The following TIMM50 variants were observed in gnomAD, a reference collection of about 807,000 sequenced individuals.
TIMM50 encodes translocase of inner mitochondrial membrane 50, also known as mitochondrial import inner membrane translocase subunit TIM50.
A neutral mutation model predicts 49.6 loss-of-function variants in TIMM50; 34 were observed. That is an observed-to-expected ratio of 0.69 (90% CI 0.52 to 0.91). The LOEUF (loss-of-function observed/expected upper bound fraction) is 0.91. Among genes scored for constraint, TIMM50 ranks in the 40% least tolerant of loss-of-function variants. The probability of loss-of-function intolerance (pLI) is 0.00; values close to 1 mark genes in which losing one functional copy is unlikely to be tolerated. For missense variants in TIMM50, 458 were observed against 477.8 expected, an observed-to-expected ratio of 0.96 and a Z score of 0.39; for synonymous variants, 199 against 198.4, an observed-to-expected ratio of 1.00 and a Z score of -0.03.
chr19:39,492,345 C>T lies in TIMM50; in HGVS notation c.*2525C>T, dbSNP rs2079551470. On this transcript the variant is annotated 3_prime_UTR_variant, in exon 11 of 11. Coordinates refer to ENST00000607714, the MANE Select transcript of TIMM50 (RefSeq NM_001001563.5). The stretch of plus-strand genomic sequence containing the variant: ...GGGGGGGAGAAGAAAGTTCTTGTCT[C>T]AGGCTAGCTTTGGGGACCAAATGAA... The T allele has an allele frequency of 6.7e-6, 1 of 150,102 alleles. No individual in the cohort carries two copies. The highest frequency in any genetic ancestry group is 2.5e-5 in the African/African-American group (1 of 40,610). 9.3% of individuals were successfully genotyped at this position (150,102 alleles called of 1,614,324 possible).
At position 39,488,092 on chromosome 19, in the gene TIMM50, GAGT is replaced by G; in HGVS notation, c.735_737del (p.Val247del). On this transcript the variant is annotated inframe_deletion, in exon 9 of 11. Coordinates refer to ENST00000607714, the MANE Select transcript of TIMM50 (RefSeq NM_001001563.5). ...TCATGTCTGAATCGGGACCCAGCTC[GAGT>G]AGTAGTTGTGGACTGCAAGAAGGAA... 1 of 1,612,254 alleles carries G rather than the reference GAGT, an allele frequency of 6.2e-7. No homozygotes were observed. Among genetic ancestry groups the G allele is most frequent in the Non-Finnish European group, 8.5e-7 (1 of 1,178,426 alleles).
At chr19:39,488,031 A>G in intron 8 of TIMM50, 30 bp from the exon 9 acceptor site, 1 of 1,593,012 alleles carries the variant, frequency 6.3e-7, no homozygotes, top group Non-Finnish European at 8.6e-7. Flanking sequence ...TTGGGCACAG[A>G]TGTTGACCTG....
At chr19:39,481,000 C>A in intron 1 of TIMM50, 39 bp downstream of exon 1, 1 of 1,542,438 alleles carries the variant, frequency 6.5e-7, no homozygotes, top group East Asian at 2.3e-5. Context: ...TGTGGGGTCC[C>A]TTCCCTGGAG....
At position 39,480,925 on chromosome 19, in the gene TIMM50, G is replaced by C; in HGVS notation, c.72G>C (p.Thr24=). 1 of 1,588,202 alleles carries C rather than the reference G, an allele frequency of 6.3e-7. No individual in the cohort carries two copies. The highest frequency in any genetic ancestry group is 8.5e-7 in the Non-Finnish European group (1 of 1,174,732). ...GGCTCGGCTCGCGGGGACTGTGCAC[G>C]AGGTTGGCGACGCCGCCCCGCCGGG... ...GLRLGSRGLC[T]RLATPPRRAP... Residue 24 remains threonine, a synonymous_variant, in exon 1 of 11, where the codon ACG becomes ACC. Transcript: ENST00000607714.
At position 39,491,348 on chromosome 19, in the gene TIMM50, TA is replaced by T. The variant is rs2079544006; in HGVS notation, c.*1529del. The T allele has an allele frequency of 6.6e-6, 1 of 151,562 alleles. No homozygotes were observed. The highest frequency in any genetic ancestry group is 2.4e-5 in the African/African-American group (1 of 41,266). The allele number at this position is 151,562 out of a possible 1,614,324, so 9.4% of individuals were successfully genotyped here. On this transcript the variant is annotated 3_prime_UTR_variant, in exon 11 of 11. Coordinates refer to ENST00000607714, the MANE Select transcript of TIMM50 (RefSeq NM_001001563.5). ...CGCCCGGCTAATTTTTGTATTTTTTTAGTAGAGACAGGGTTTCACCATGTTG... is the reference window on the plus strand; with the variant it reads ...CGCCCGGCTAATTTTTGTATTTTTTTGTAGAGACAGGGTTTCACCATGTTG...
chr19:39,486,143 G>T, intron 6 of TIMM50, 44 bp from the exon 7 acceptor site: 1 of 1,587,306 alleles, frequency 6.3e-7, no homozygotes, highest in South Asian at 1.1e-5. Flanking sequence ...GGACTCTGAG[G>T]ACCTCTGGGT....
intron 4 of TIMM50, 193 bp from the exon 5 acceptor site, chr19:39,485,351 G>A: frequency 1.6e-6 from 1 of 633,990 alleles, no homozygotes; most frequent in East Asian, 2.7e-5. Context: ...CTTAAAATAG[G>A]GCAAGTAAAT....
At chr19:39,483,441 G>A in intron 4 of TIMM50, 1 of 491,958 alleles carries the variant, frequency 2.0e-6, no homozygotes, top group Non-Finnish European at 3.6e-6. Flanking sequence ...ATGGGTTCCT[G>A]TGCCTTAGAC....
Position 39,482,609 on chromosome 19 carries a change from G to A in TIMM50, c.260-276G>A, listed in dbSNP as rs542101427. On this transcript the variant is annotated intron_variant, in intron 2 of 10. Coordinates refer to ENST00000607714, the MANE Select transcript of TIMM50 (RefSeq NM_001001563.5). Reference sequence around the variant, plus strand: ...CGGGAGGCGGAGCTTGCAGTGAGCCGAGATCGTGCCACTGCACTCCAGCCT... The same window carrying A: ...CGGGAGGCGGAGCTTGCAGTGAGCCAAGATCGTGCCACTGCACTCCAGCCT... Among the ~76,000 whole-genome samples the A allele has an allele frequency of 2.6e-3, 395 of 150,894 alleles. 1 individual carries two copies. Among genetic ancestry groups the A allele is most frequent in the Admixed American group, 7.1e-3 (107 of 15,176 alleles).
intron 10 of TIMM50, 36 bp from the exon 11 acceptor site, chr19:39,489,683 C>T (rs373401565): frequency 3.7e-4 from 583 of 1,560,180 alleles, no homozygotes; most frequent in Non-Finnish European, 4.6e-4. Flanking sequence ...GTCCACCTTG[C>T]GCTGACCCTC....
At position 39,480,908 on chromosome 19, in the gene TIMM50, T is replaced by C. The variant is rs2079466071; in HGVS notation, c.55T>C (p.Ser19Pro). The change falls in exon 1 of 11, where the codon TCG becomes CCG. Residue 19 changes from serine to proline, a missense_variant. By Grantham distance (74) the Ser-to-Pro change is moderately conservative (BLOSUM62 -1). Coordinates refer to ENST00000607714, the MANE Select transcript of TIMM50 (RefSeq NM_001001563.5). The part of the protein sequence containing the change: ...SRLRSGLRLG[S>P]RGLCTRLATP... ...CTTGCGAAGCGGGCTCCGGCTCGGC[T>C]CGCGGGGACTGTGCACGAGGTTGGC... 2 of 1,589,838 alleles carry C rather than the reference T, an allele frequency of 1.3e-6. No homozygotes were observed. The highest frequency in any genetic ancestry group is 1.1e-5 in the South Asian group (1 of 89,864).
chr19:39,484,188 G>A (rs1189236442), intron 4 of TIMM50, among the ~76,000 whole-genome samples: 1 of 152,112 alleles, frequency 6.6e-6, no homozygotes. Context: ...GCAGGCCCAT[G>A]TATTGCACTA....
chr19:39,486,220 G>C lies in TIMM50; in HGVS notation c.526G>C (p.Gly176Arg), dbSNP rs1271395136. The change falls in exon 7 of 11, where the codon GGC becomes CGC. Residue 176 changes from glycine (G) to arginine (R), a missense_variant. Gly to Arg is a moderately radical substitution (Grantham distance 125). Coordinates refer to ENST00000607714, the MANE Select transcript of TIMM50 (RefSeq NM_001001563.5). ...TGGCTGGAGGTTTAAGAAGCGCCCA[G>C]GCATCGAGACCTTGTTCCAGCAGCT... ...ATGWRFKKRP[G>R]IETLFQQLAP... 3 of 1,614,208 alleles carry C rather than the reference G, an allele frequency of 1.9e-6. No homozygotes were observed. The highest frequency in any genetic ancestry group is 2.5e-6 in the Non-Finnish European group (3 of 1,180,044).
rs183745370 is a variant in TIMM50 at position 39,488,658 on chromosome 19, A to G, written c.960+13A>G. The G allele has an allele frequency of 3.2e-5, 51 of 1,609,462 alleles. No homozygotes were observed. The East Asian group carries it at 9.6e-4, about 30-fold the overall frequency. On this transcript the variant is annotated intron_variant, in intron 10 of 10. Coordinates refer to ENST00000607714, the MANE Select transcript of TIMM50 (RefSeq NM_001001563.5). ...CCGGCTAGAGCAGGTTGGTGCTCAG[A>G]TGCCCAGAGTGGAGGATCGGCTCTG...
Position 39,490,024 on chromosome 19 carries a change from G to A in TIMM50, c.*204G>A. ...TGGCTGATCGGCTGCCAAGCACAGT[G>A]GGGGTGCTTTGTTGGATCAGAGCAG... On this transcript the variant is annotated 3_prime_UTR_variant, in exon 11 of 11. Transcript: ENST00000607714. 2 of 585,318 alleles carry A rather than the reference G, an allele frequency of 3.4e-6. No homozygotes were observed. Among genetic ancestry groups the A allele is most frequent in the Non-Finnish European group, 6.1e-6 (2 of 329,052 alleles). The allele number at this position is 585,318 out of a possible 1,614,324, so 36.3% of individuals were successfully genotyped here. A position where few individuals can be genotyped will look rare whatever the true frequency, so the allele number is the denominator to read the frequency against.
chr19:39,485,384 G>T (rs2079497658), intron 4 of TIMM50, 160 bp from the exon 5 acceptor site: 18 of 734,180 alleles, frequency 2.5e-5, no homozygotes, highest in Non-Finnish European at 4.2e-5. Context: ...CTATCTGGCG[G>T]TATGTCATTG....
At position 39,491,793 on chromosome 19, in the gene TIMM50, T is replaced by A. The variant is rs1167677530; in HGVS notation, c.*1973T>A. 7.7e-6 allele frequency: 1 copy of A among 130,148 alleles called. No homozygotes were observed. Among genetic ancestry groups the A allele is most frequent in the African/African-American group, 3.1e-5 (1 of 32,598 alleles). The allele number at this position is 130,148 out of a possible 1,614,324, so 8.1% of individuals were successfully genotyped here. A position where few individuals can be genotyped will look rare whatever the true frequency, so the allele number is the denominator to read the frequency against. Reference sequence around the variant, plus strand: ...GATGATCTGTGATCGTGCCGCTAAATTCTAGCCTGGGCAACAGAGCGAGAC... The same window carrying A: ...GATGATCTGTGATCGTGCCGCTAAAATCTAGCCTGGGCAACAGAGCGAGAC... On this transcript the variant is annotated 3_prime_UTR_variant, in exon 11 of 11. Transcript: ENST00000607714.
Position 39,485,824 on chromosome 19 carries a change from C to G in TIMM50, c.492+17C>G, listed in dbSNP as rs4803245. On this transcript the variant is annotated intron_variant, in intron 6 of 10. Transcript: ENST00000607714. ...GAGTGGTCGGTGTGTCCCGGGAAAC[C>G]CAGTGGGTTGGGGATAGACCTGGGC... 0.55 allele frequency: 880,523 copies of G among 1,613,268 alleles called. 243,353 individuals are homozygous for G. Among genetic ancestry groups the G allele is most frequent in the African/African-American group, 0.76 (56,847 of 74,974 alleles).
intron 5 of TIMM50, 35 bp from the exon 6 acceptor site, chr19:39,485,653 T>C (rs774226850): frequency 4.3e-6 from 7 of 1,614,126 alleles, no homozygotes; most frequent in Non-Finnish European, 5.9e-6. Flanking sequence ...CTGGCCTCCT[T>C]GTCTGAGCGC....
Sources: allele counts gnomAD v4.1 joint callset (sites outside exome capture counted in the v4.1 genomes callset), GRCh38; gene constraint gnomAD v4.1.1; transcripts MANE v1.5; gene names NCBI Gene and HGNC (gene_info 2026-07-23, HGNC 2026-07-21).